MTHFSD: variants seen among roughly 807,000 people sequenced by gnomAD.
MTHFSD encodes the protein methenyltetrahydrofolate synthase domain-containing protein.
A neutral mutation model predicts 31.1 loss-of-function variants in MTHFSD; 37 were observed. The ratio of observed to expected loss-of-function variants is 1.19; its 90% confidence interval spans 0.91 to 1.56. MTHFSD has a LOEUF of 1.56. Ranked by LOEUF, MTHFSD falls within the 40% of genes most tolerant of loss-of-function variation. MTHFSD has a pLI of 0.00. For synonymous variants in MTHFSD, 221 were observed against 206.9 expected (o/e 1.07, Z -0.59); for missense variants, 664 against 510.1 (o/e 1.30, Z -2.91).
rs1325963926 is a variant in MTHFSD at position 86,530,688 on chromosome 16, G to T, written c.*1323C>A. 6.6e-6 allele frequency: 1 copy of T among 152,328 alleles called. No individual in the cohort carries two copies. The highest frequency in any genetic ancestry group is 1.5e-5 in the Non-Finnish European group (1 of 68,040). 9.4% of individuals were successfully genotyped at this position (152,328 alleles called of 1,614,324 possible). On this transcript the variant is annotated 3_prime_UTR_variant, in exon 8 of 8. Transcript: ENST00000360900. ...AAAAAGAGAGAAAAGAAGGTGAGGA[G>T]TTCAGTGTAACCAGGTGACTACTCT...
At chr16:86,547,074 T>C (rs1373616465) in intron 4 of MTHFSD, 37 of 768,780 alleles carry the variant, frequency 4.8e-5, no homozygotes, top group Non-Finnish European at 5.6e-5. Flanking sequence ...CACCACCCTC[T>C]GCCTCGTCGG....
intron 7 of MTHFSD, among the ~76,000 whole-genome samples, chr16:86,539,042 A>G (rs11645968): frequency 0.46 from 69,786 of 152,050 alleles, 18,470 homozygotes; most frequent in Non-Finnish European, 0.61. Flanking sequence ...TTCCTGCCAG[A>G]AAGTTTCTGA....
At position 86,553,142 on chromosome 16, in the gene MTHFSD, C is replaced by T. The variant is rs573888760; in HGVS notation, c.124-996G>A. 1.9e-4 allele frequency: 29 copies of T among 152,378 alleles called. 1 individual carries two copies. The highest frequency in any genetic ancestry group is 7.0e-4 in the African/African-American group (29 of 41,586). The allele number at this position is 152,378 out of a possible 1,614,324, so 9.4% of individuals were successfully genotyped here. A position where few individuals can be genotyped will look rare whatever the true frequency, so the allele number is the denominator to read the frequency against. ...CTGAACTTCCAGTTCAGTACCCCTT[C>T]ATTCCCTAACGCTCTTAGCAGGGTC... is the stretch of plus-strand genomic sequence containing the variant. On this transcript the variant is annotated intron_variant, in intron 2 of 7. Transcript: ENST00000360900.
At chr16:86,552,220 G>A in intron 2 of MTHFSD, 74 bp from the exon 3 acceptor site, 1 of 1,613,580 alleles carries the variant, frequency 6.2e-7, no homozygotes, top group Non-Finnish European at 8.5e-7. Flanking sequence ...GGGGCATCAG[G>A]ATTTACTTTA....
rs1204279296 is a variant in MTHFSD at position 86,540,672 on chromosome 16, A to C, written c.681+1025T>G. 4.0e-6 allele frequency: 4 copies of C among 987,746 alleles called. No homozygotes were observed. The African/African-American group carries it at 7.0e-5, about 17-fold the overall frequency. 61.2% of individuals were successfully genotyped at this position (987,746 alleles called of 1,614,324 possible). The stretch of plus-strand genomic sequence containing the variant: ...GTGCATTGGCTTCCACTTACAAGGA[A>C]GCTGTGGACCAGAGTTCCCAAGTGA... On this transcript the variant is annotated intron_variant, in intron 7 of 7. Coordinates refer to ENST00000360900, the MANE Select transcript of MTHFSD (RefSeq NM_001159377.2).
At chr16:86,533,955 T>A (rs1970326776) in intron 7 of MTHFSD, among the ~76,000 whole-genome samples, 1 of 152,144 alleles carries the variant, frequency 6.6e-6, no homozygotes, top group South Asian at 2.1e-4. Flanking sequence ...AGCTTTTGCT[T>A]TGGTCAGAGT....
chr16:86,535,856 T>C (rs1970620209), intron 7 of MTHFSD, among the ~76,000 whole-genome samples: 1 of 149,600 alleles, frequency 6.7e-6, no homozygotes, highest in African/African-American at 2.5e-5. Flanking sequence ...ATCCCCCTCA[T>C]TTTTTTTTTA....
chr16:86,536,883 C>G (rs745577123), intron 7 of MTHFSD, among the ~76,000 whole-genome samples: 1 of 152,228 alleles, frequency 6.6e-6, no homozygotes, highest in Non-Finnish European at 1.5e-5. Context: ...AGAGCAGCCG[C>G]GTGGTTCCCC....
chr16:86,549,868 G>A (rs1049425555), intron 3 of MTHFSD, among the ~76,000 whole-genome samples: 2 of 152,270 alleles, frequency 1.3e-5, no homozygotes, highest in Non-Finnish European at 2.9e-5. Flanking sequence ...GAGACTCACA[G>A]GTCTGGGGTT....
In MTHFSD at chr16:86,531,378, G is replaced by C. The variant is rs1435158559; in HGVS notation, c.*633C>G. The C allele has an allele frequency of 6.6e-6, 1 of 152,400 alleles. No individual in the cohort carries two copies. 9.4% of individuals were successfully genotyped at this position (152,400 alleles called of 1,614,324 possible). On this transcript the variant is annotated 3_prime_UTR_variant, in exon 8 of 8. Transcript: ENST00000360900. This position sits in a 1 kb window ranked among gnomAD's most constrained non-coding sequence, Gnocchi z 5.5. ...ATGCAGCCAGCTGGCTGAGGGCCCG[G>C]AGTGTGTCCACAGAGGGAGGAGCGG...
chr16:86,531,089 T>TA lies in MTHFSD; in HGVS notation c.*921dup, dbSNP rs1379321505. 3.3e-5 allele frequency: 5 copies of TA among 152,242 alleles called. No homozygotes were observed. The highest frequency in any genetic ancestry group is 3.9e-4 in the East Asian group (2 of 5,190). The allele number at this position is 152,242 out of a possible 1,614,324, so 9.4% of individuals were successfully genotyped here. A position where few individuals can be genotyped will look rare whatever the true frequency, so the allele number is the denominator to read the frequency against. The stretch of plus-strand genomic sequence containing the variant: ...AGAACACTTGGTAAAACCCTCTGGC[T>TA]AAAAAATCAAAATTTCCAAAGCATA... On this transcript the variant is annotated 3_prime_UTR_variant, in exon 8 of 8. Coordinates refer to ENST00000360900, the MANE Select transcript of MTHFSD (RefSeq NM_001159377.2). The surrounding 1 kb of genome is among the most constrained non-coding windows in gnomAD (Gnocchi z 5.5).
chr16:86,548,120 C>A, intron 4 of MTHFSD: 1 of 1,296,836 alleles, frequency 7.7e-7, no homozygotes, highest in Non-Finnish European at 1.0e-6. Context: ...ACCTGATGAA[C>A]AGGCCGGGAA....
In MTHFSD at chr16:86,555,200, G is replaced by T. The variant is rs917374612; in HGVS notation, c.-16C>A. On this transcript the variant is annotated 5_prime_UTR_variant, in exon 1 of 8. Transcript: ENST00000360900. The stretch of plus-strand genomic sequence containing the variant: ...TCGGCTCCATGGTGATGCAGTCGCT[G>T]TGCGACGCTTCCCGGCGCAGGTTCT... 3.3e-6 allele frequency: 5 copies of T among 1,536,772 alleles called. No homozygotes were observed. The highest frequency in any genetic ancestry group is 2.7e-5 in the African/African-American group (2 of 73,192).
chr16:86,554,401 G>C (rs75323799), intron 2 of MTHFSD, among the ~76,000 whole-genome samples: 12 of 152,202 alleles, frequency 7.9e-5, no homozygotes, highest in African/African-American at 2.9e-4. Flanking sequence ...ACCAATTCTG[G>C]ACACAACCTC....
chr16:86,541,786 C>T lies in MTHFSD; in HGVS notation c.592G>A (p.Asp198Asn), dbSNP rs200301012. Residue 198 changes from aspartate to asparagine, a missense_variant, in exon 7 of 8, where the codon GAC becomes AAC. Asp to Asn is a conservative substitution (Grantham distance 23, BLOSUM62 1). Transcript: ENST00000360900. ...GTGAGGATGTAGTCCACAGTGATGT[C>T]GTGCTCCTCAACAAGCTCTTCAGGG... ...DIPEELVEEH[D>N]ITVDYILTPT... The T allele has an allele frequency of 2.4e-5, 38 of 1,614,170 alleles. No individual in the cohort carries two copies. The East Asian group carries it at 7.8e-4, about 33-fold the overall frequency.
At chr16:86,544,856 C>G (rs889245772) in intron 5 of MTHFSD, among the ~76,000 whole-genome samples, 2 of 152,208 alleles carry the variant, frequency 1.3e-5, no homozygotes, top group African/African-American at 4.8e-5. Context: ...TACATATACA[C>G]TATGGAATAC....
intron 3 of MTHFSD, 102 bp downstream of exon 3, chr16:86,551,931 G>T: frequency 2.0e-6 from 3 of 1,525,924 alleles, no homozygotes; most frequent in South Asian, 1.3e-5. Context: ...CGGAAGCACC[G>T]ACTTTCTAAA....
intron 2 of MTHFSD, 22 bp from the exon 3 acceptor site, chr16:86,552,168 G>C: frequency 6.2e-7 from 1 of 1,614,202 alleles, no homozygotes; most frequent in Non-Finnish European, 8.5e-7. Context: ...AATAGACAGA[G>C]TTGCACTTAC....
chr16:86,538,937 C>G (rs1210467918), intron 7 of MTHFSD, among the ~76,000 whole-genome samples: 3 of 152,136 alleles, frequency 2.0e-5, no homozygotes, highest in Non-Finnish European at 4.4e-5. Context: ...CCCCCAGAGA[C>G]AGAAGAGCAC....
Sources: gnomAD v4.1 joint callset for allele counts (sites outside exome capture counted in the v4.1 genomes callset) on GRCh38, gnomAD v4.1.1 for gene constraint, Gnocchi (gnomAD v3.1) non-coding constraint, MANE v1.5 for transcripts, NCBI Gene and HGNC (gene_info 2026-07-23, HGNC 2026-07-21) for gene names.